The following REEP1 variants were observed in gnomAD, a reference collection of about 807,000 sequenced individuals.
REEP1 encodes the protein receptor expression-enhancing protein 1.
In REEP1, 22 loss-of-function variants were observed where a neutral mutation model predicts 40.3. The observed-to-expected ratio is 0.55, with a 90% CI of 0.39 to 0.78. REEP1 has a LOEUF of 0.78. REEP1 is among the 30% of genes least tolerant of loss of function. REEP1 has a pLI of 0.00. For missense variants in REEP1, 280 were observed against 361.1 expected (o/e 0.78, Z 1.82); for synonymous variants, 116 against 139.2 (o/e 0.83, Z 1.17).
intron 5 of REEP1, among the ~76,000 whole-genome samples, chr2:86,235,147 A>G (rs1335959955): frequency 6.6e-6 from 1 of 152,238 alleles, no homozygotes. Context: ...AGGTGCTAAC[A>G]TGAAACACCA....
chr2:86,215,714 A>G lies in REEP1; in HGVS notation c.*1325T>C, dbSNP rs3731816. On this transcript the variant is annotated 3_prime_UTR_variant, in exon 9 of 9. Transcript: ENST00000538924. ...AGATTCTTTTCAAATAAAATTCTCAATCTAAGTGGAAAGCCCCCTCAGAGA... is the reference window on the plus strand; with the variant it reads ...AGATTCTTTTCAAATAAAATTCTCAGTCTAAGTGGAAAGCCCCCTCAGAGA... 5.9e-3 allele frequency: 898 copies of G among 152,706 alleles called. 19 individuals are homozygous for G. In the East Asian group the frequency reaches 0.078, roughly 13 times the overall value. The allele number at this position is 152,706 out of a possible 1,614,324, so 9.5% of individuals were successfully genotyped here. A position where few individuals can be genotyped will look rare whatever the true frequency, so the allele number is the denominator to read the frequency against.
At chr2:86,316,584 C>T (rs1454002197) in intron 1 of REEP1, among the ~76,000 whole-genome samples, 8 of 137,694 alleles carry the variant, frequency 5.8e-5, no homozygotes, top group Admixed American at 1.5e-4. Flanking sequence ...AAGGGCCAGG[C>T]GTGGTGGCTC....
In REEP1 at chr2:86,254,727, C is replaced by T. The variant is rs141929755; in HGVS notation, c.270G>A (p.Lys90=). 5.0e-6 allele frequency: 8 copies of T among 1,613,704 alleles called. No homozygotes were observed. In the African/African-American group the frequency reaches 8.0e-5, roughly 16 times the overall value. The change falls in exon 4 of 9, where the codon AAG becomes AAA. Residue 90 remains lysine, a synonymous_variant. Coordinates refer to ENST00000538924, the MANE Select transcript of REEP1 (RefSeq NM_001371279.1). ...YTKGSSLLYR[K]FVHPTLSSKE... is the part of the protein sequence containing the mutation. ...TTGAAGATAGCGTGGGATGTACAAA[C>T]TTCCTGTACAGGAGGCTGGAGCCTT... is the stretch of plus-strand genomic sequence containing the variant.
intron 1 of REEP1, among the ~76,000 whole-genome samples, chr2:86,335,718 A>G (rs1680988701): frequency 1.3e-5 from 2 of 151,922 alleles, no homozygotes; most frequent in African/African-American, 2.4e-5. Context: ...GCGTGGTGGC[A>G]GGCGCTTGTA....
At chr2:86,250,085 G>A (rs1186083545) in intron 5 of REEP1, among the ~76,000 whole-genome samples, 1 of 152,162 alleles carries the variant, frequency 6.6e-6, no homozygotes, top group Middle Eastern at 3.2e-3. Flanking sequence ...ACGGGCTCAC[G>A]GGCTTCCCGG....
At chr2:86,257,309 T>A (rs940042242) in intron 3 of REEP1, among the ~76,000 whole-genome samples, 20 of 149,644 alleles carry the variant, frequency 1.3e-4, no homozygotes, top group African/African-American at 4.1e-4. Context: ...AGATGTCTTT[T>A]AAAAAAAATA....
At chr2:86,318,317 G>C (rs562719482) in intron 1 of REEP1, among the ~76,000 whole-genome samples, 2 of 151,320 alleles carry the variant, frequency 1.3e-5, no homozygotes, top group South Asian at 4.2e-4. Context: ...ATACAAAAAA[G>C]ACTTACAAAA....
chr2:86,271,557 A>G (rs1450637434), intron 2 of REEP1, among the ~76,000 whole-genome samples: 3 of 152,246 alleles, frequency 2.0e-5, no homozygotes, highest in African/African-American at 7.2e-5. Flanking sequence ...TCTTTCAAAA[A>G]ATGAAAGCTG....
At chr2:86,249,080 A>AT (rs527453385) in intron 5 of REEP1, among the ~76,000 whole-genome samples, 66 of 152,212 alleles carry the variant, frequency 4.3e-4, no homozygotes, top group African/African-American at 1.6e-3. Context: ...CCAACATGGC[A>AT]AAACCCAGTC....
chr2:86,251,347 A>G (rs969203389), intron 5 of REEP1: 2 of 159,738 alleles, frequency 1.3e-5, no homozygotes, highest in Non-Finnish European at 2.8e-5. Context: ...CTCACACCAC[A>G]ACATCCCACA....
intron 6 of REEP1, 36 bp downstream of exon 6, chr2:86,232,589 A>G (rs374094634): frequency 5.6e-6 from 9 of 1,607,622 alleles, no homozygotes; most frequent in South Asian, 1.1e-5. Flanking sequence ...GCGAGGCCCA[A>G]GGAGTGGGAA....
intron 1 of REEP1, among the ~76,000 whole-genome samples, chr2:86,302,268 G>A (rs146994354): frequency 4.6e-5 from 7 of 152,352 alleles, no homozygotes; most frequent in Middle Eastern, 3.4e-3. Context: ...GGGCTGCAAT[G>A]GGACAGGTTT....
Position 86,215,277 on chromosome 2 carries a change from C to G in REEP1, c.*1762G>C, listed in dbSNP as rs888955625. 1.3e-5 allele frequency: 2 copies of G among 152,200 alleles called. No individual in the cohort carries two copies. Among genetic ancestry groups the G allele is most frequent in the Admixed American group, 6.5e-5 (1 of 15,282 alleles). The allele number at this position is 152,200 out of a possible 1,614,324, so 9.4% of individuals were successfully genotyped here. A position where few individuals can be genotyped will look rare whatever the true frequency, so the allele number is the denominator to read the frequency against. ...AGGTATATTTTCCTATACCCTTTTG[C>G]AAATTACAAAATCACCTTCAGAGGA... On this transcript the variant is annotated 3_prime_UTR_variant, in exon 9 of 9. Transcript: ENST00000538924.
chr2:86,337,422 C>G lies in REEP1; in HGVS notation c.32+57G>C. On this transcript the variant is annotated intron_variant, in intron 1 of 8. Transcript: ENST00000538924. The surrounding 1 kb of genome is among the most constrained non-coding windows in gnomAD (Gnocchi z 5.8). ...GGGCGCTGTAGGGGCGCGCGCAGCC[C>G]GGGGCCGGGGGCGGGGAGGGAGGGG... The G allele has an allele frequency of 1.7e-6, 2 of 1,143,900 alleles. No individual in the cohort carries two copies. The highest frequency in any genetic ancestry group is 2.2e-6 in the Non-Finnish European group (2 of 915,890). 70.9% of individuals were successfully genotyped at this position (1,143,900 alleles called of 1,614,324 possible).
At chr2:86,219,468 T>TG (rs1330142692) in intron 8 of REEP1, among the ~76,000 whole-genome samples, 4 of 137,044 alleles carry the variant, frequency 2.9e-5, no homozygotes, top group African/African-American at 1.0e-4. Context: ...TTTTTTTTTT[T>TG]GAGAAGGAGT....
chr2:86,250,230 C>T (rs1031810531), intron 5 of REEP1, among the ~76,000 whole-genome samples: 1 of 152,120 alleles, frequency 6.6e-6, no homozygotes, highest in African/African-American at 2.4e-5. Flanking sequence ...AGCTGTGCCA[C>T]CAGGTGACGC....
intron 5 of REEP1, 30 bp from the exon 6 acceptor site, chr2:86,232,832 AG>A: frequency 6.3e-7 from 1 of 1,593,428 alleles, no homozygotes; most frequent in African/African-American, 1.3e-5. Flanking sequence ...GGCACACGTC[AG>A]AGGTCCTGCT....
At chr2:86,239,650 C>A (rs1305212070) in intron 5 of REEP1, among the ~76,000 whole-genome samples, 1 of 152,174 alleles carries the variant, frequency 6.6e-6, no homozygotes, top group Non-Finnish European at 1.5e-5. Flanking sequence ...GCATGAGGAC[C>A]AGGCCCTTGT....
chr2:86,247,621 G>A (rs932652018), intron 5 of REEP1, among the ~76,000 whole-genome samples: 8 of 151,968 alleles, frequency 5.3e-5, no homozygotes, highest in South Asian at 2.1e-4. Context: ...TCACTCTGCC[G>A]CCCAGGCTGG....
Sources: gnomAD v4.1 joint callset for allele counts (sites outside exome capture counted in the v4.1 genomes callset) on GRCh38, gnomAD v4.1.1 for gene constraint, Gnocchi (gnomAD v3.1) non-coding constraint, MANE v1.5 for transcripts, NCBI Gene and HGNC (gene_info 2026-07-23, HGNC 2026-07-21) for gene names.